The following MGAM2 variants were observed in gnomAD, a reference collection of about 807,000 sequenced individuals.
The protein encoded by MGAM2 is probable maltase-glucoamylase 2.
In MGAM2, 98 loss-of-function variants were observed where a neutral mutation model predicts 96.1. The observed-to-expected ratio is 1.02, with a 90% CI of 0.87 to 1.21. MGAM2 has a LOEUF of 1.21. MGAM2 is among the 50% of genes most tolerant of loss of function. The probability of loss-of-function intolerance (pLI) is 0.00; values close to 1 mark genes in which losing one functional copy is unlikely to be tolerated. For synonymous variants in MGAM2, 749 were observed against 414.8 expected (o/e 1.81, Z -9.79); for missense variants, 2,055 against 1,182.4 (o/e 1.74, Z -10.82).
chr7:142,199,911 T>A lies in MGAM2; in HGVS notation c.5080T>A (p.Leu1694Met). ...RQNFMGLIVALDDNGTAEGQV... is the reference protein window; with the variant it reads ...RQNFMGLIVAMDDNGTAEGQV... Reference sequence around the variant, plus strand: ...AAATTTTATGGGATTGATTGTTGCTTTGGATGACAATGGGACAGCTGAAGG... The same window carrying A: ...AAATTTTATGGGATTGATTGTTGCTATGGATGACAATGGGACAGCTGAAGG... Residue 1694 changes from leucine (L) to methionine (M), a missense_variant, in exon 45 of 48, where the codon TTG becomes ATG. By Grantham distance (15) the Leu-to-Met change is conservative. Coordinates refer to ENST00000477922, the MANE Select transcript of MGAM2 (RefSeq NM_001293626.2). 1 of 694,802 alleles carries A rather than the reference T, an allele frequency of 1.4e-6. No homozygotes were observed. The highest frequency in any genetic ancestry group is 2.6e-6 in the Non-Finnish European group (1 of 381,086). The allele number at this position is 694,802 out of a possible 1,614,324, so 43.0% of individuals were successfully genotyped here.
chr7:142,166,164 C>T lies in MGAM2; in HGVS notation c.2719C>T (p.Pro907Ser), dbSNP rs1469143931. ...AGAATTCTCTATTAGGTGGAATCTT[C>T]CTGTCAGTGACCTGGAGAAGTTCAA... ...GQEFSIRWNLPVSDLEKFNCY... is the reference protein window; with the variant it reads ...GQEFSIRWNLSVSDLEKFNCY... The change falls in exon 25 of 48, where the codon CCT (proline) becomes TCT (serine). Residue 907 changes from proline (P) to serine (S), a missense_variant. Transcript: ENST00000477922. The T allele has an allele frequency of 4.3e-6, 3 of 702,566 alleles. No homozygotes were observed. Among genetic ancestry groups the T allele is most frequent in the Non-Finnish European group, 5.2e-6 (2 of 384,800 alleles). The allele number at this position is 702,566 out of a possible 1,614,324, so 43.5% of individuals were successfully genotyped here.
intron 46 of MGAM2, among the ~76,000 whole-genome samples, chr7:142,213,254 T>C (rs773111903): frequency 6.6e-6 from 1 of 151,846 alleles, no homozygotes; most frequent in Non-Finnish European, 1.5e-5. Flanking sequence ...ACATCATAGT[T>C]AAAAGAGCTA....
chr7:142,173,039 A>G (rs1419984699), intron 30 of MGAM2, among the ~76,000 whole-genome samples, 190 bp from the exon 31 acceptor site: 2 of 152,330 alleles, frequency 1.3e-5, no homozygotes, highest in East Asian at 3.9e-4. Context: ...GGAATACAGA[A>G]AAACTTCAAT....
In MGAM2 at chr7:142,218,613, T is replaced by G. The variant is rs563454640; in HGVS notation, c.5358+82T>G. 20 of 579,224 alleles carry G rather than the reference T, an allele frequency of 3.5e-5. No homozygotes were observed. The African/African-American group carries it at 3.7e-4, about 11-fold the overall frequency. 35.9% of individuals were successfully genotyped at this position (579,224 alleles called of 1,614,324 possible). A position where few individuals can be genotyped will look rare whatever the true frequency, so the allele number is the denominator to read the frequency against. On this transcript the variant is annotated intron_variant, in intron 47 of 47. Transcript: ENST00000477922. ...TATCACCAATAATTTTGCTAACAAT[T>G]AAAATTATCATTGTTAAATTTTCAT...
intron 1 of MGAM2, among the ~76,000 whole-genome samples, chr7:142,114,902 T>C (rs573824705): frequency 6.6e-6 from 1 of 152,166 alleles, no homozygotes; most frequent in East Asian, 1.9e-4. Context: ...GAGTCAGGCC[T>C]GAAAAGAAGG....
chr7:142,177,340 C>A (rs1796409822), intron 32 of MGAM2, among the ~76,000 whole-genome samples: 3 of 152,166 alleles, frequency 2.0e-5, no homozygotes, highest in Admixed American at 2.0e-4. Flanking sequence ...AGGGAAAGAC[C>A]TGCCCCCGTG....
chr7:142,173,491 A>G (rs1796267222), intron 31 of MGAM2, 137 bp downstream of exon 31: 1 of 529,956 alleles, frequency 1.9e-6, no homozygotes, highest in Non-Finnish European at 3.4e-6. Flanking sequence ...TGTATATACT[A>G]TAATACTATG....
chr7:142,129,208 C>A (rs967808109), intron 3 of MGAM2, among the ~76,000 whole-genome samples: 9 of 152,336 alleles, frequency 5.9e-5, no homozygotes, highest in African/African-American at 2.2e-4. Context: ...CAATTTCTCC[C>A]ATTTGGAATG....
chr7:142,161,038 T>C, intron 21 of MGAM2, 87 bp from the exon 22 acceptor site: 1 of 652,934 alleles, frequency 1.5e-6, no homozygotes, highest in Non-Finnish European at 2.8e-6. Flanking sequence ...ACTCTTGGAT[T>C]ATCTGTCCCT....
chr7:142,143,911 C>A, intron 13 of MGAM2, 29 bp downstream of exon 13: 1 of 700,364 alleles, frequency 1.4e-6, no homozygotes, highest in Middle Eastern at 2.3e-4. Flanking sequence ...CTCAAATTTC[C>A]TTTGGAAACA....
At chr7:142,156,620 G>A (rs1795744080) in intron 17 of MGAM2, among the ~76,000 whole-genome samples, 1 of 152,222 alleles carries the variant, frequency 6.6e-6, no homozygotes, top group Non-Finnish European at 1.5e-5. Flanking sequence ...GCTTTTGTCA[G>A]TTGACAACCA....
At chr7:142,216,535 C>T (rs1797766893) in intron 46 of MGAM2, among the ~76,000 whole-genome samples, 1 of 152,100 alleles carries the variant, frequency 6.6e-6, no homozygotes, top group Admixed American at 6.6e-5. Flanking sequence ...CAGCGGTTTC[C>T]TGGTTGGTAA....
chr7:142,220,368 A>G lies in MGAM2; in HGVS notation c.5857A>G (p.Thr1953Ala), dbSNP rs1312472774. 2 of 702,680 alleles carry G rather than the reference A, an allele frequency of 2.8e-6. No individual in the cohort carries two copies. Among genetic ancestry groups the G allele is most frequent in the Admixed American group, 4.0e-5 (2 of 49,958 alleles). The allele number at this position is 702,680 out of a possible 1,614,324, so 43.5% of individuals were successfully genotyped here. A position where few individuals can be genotyped will look rare whatever the true frequency, so the allele number is the denominator to read the frequency against. ...CFATSTIGVTTNATVPDTTAP... is the reference protein window; with the variant it reads ...CFATSTIGVTANATVPDTTAP... ...TGCAACAAGTACTATTGGTGTTACA[A>G]CTAATGCTACTGTTCCCGATACAAC... The change falls in exon 48 of 48, where the codon ACT (threonine) becomes GCT (alanine). Residue 1953 changes from threonine to alanine, a missense_variant. By Grantham distance (58) the Thr-to-Ala change is moderately conservative. Coordinates refer to ENST00000477922, the MANE Select transcript of MGAM2 (RefSeq NM_001293626.2).
rs112964444 is a variant in MGAM2, at chr7:142,117,935, T to A, written c.106+956T>A. On this transcript the variant is annotated intron_variant, in intron 2 of 47. Coordinates refer to ENST00000477922, the MANE Select transcript of MGAM2 (RefSeq NM_001293626.2). Reference sequence around the variant, plus strand: ...AGAGTAGTTCTGCTTTCAACTGTTTTTTTTTCTTCTGTTTTTTTTTTGAAG... The same window carrying A: ...AGAGTAGTTCTGCTTTCAACTGTTTATTTTTCTTCTGTTTTTTTTTTGAAG... 3.1e-3 allele frequency among the ~76,000 whole-genome samples: 475 copies of A among 152,214 alleles called. 2 individuals are homozygous for A. Among genetic ancestry groups the A allele is most frequent in the African/African-American group, 0.011 (445 of 41,510 alleles).
intron 29 of MGAM2, among the ~76,000 whole-genome samples, 163 bp from the exon 30 acceptor site, chr7:142,172,489 G>C (rs904520154): frequency 6.6e-6 from 1 of 152,120 alleles, no homozygotes; most frequent in Non-Finnish European, 1.5e-5. Context: ...TACATTTGGG[G>C]TACCTGCAAA....
intron 31 of MGAM2, 64 bp downstream of exon 31, chr7:142,173,418 T>G (rs1796264017): frequency 1.4e-6 from 1 of 691,196 alleles, no homozygotes; most frequent in Non-Finnish European, 2.7e-6. Flanking sequence ...AATTTTATAT[T>G]AGAAGTGCTA....
chr7:142,186,751 G>T (rs766043987), intron 35 of MGAM2, among the ~76,000 whole-genome samples: 1 of 152,148 alleles, frequency 6.6e-6, no homozygotes, highest in Non-Finnish European at 1.5e-5. Context: ...ATTCAGCTCT[G>T]GGTCAGACTG....
chr7:142,116,746 G>A (rs1817417232), intron 1 of MGAM2, 128 bp from the exon 2 acceptor site: 2 of 647,340 alleles, frequency 3.1e-6, no homozygotes, highest in Non-Finnish European at 5.6e-6. Context: ...TTTAGATTAT[G>A]TAAAGAGGAT....
intron 46 of MGAM2, among the ~76,000 whole-genome samples, chr7:142,213,121 G>A (rs1270580559): frequency 6.6e-6 from 1 of 152,118 alleles, no homozygotes; most frequent in Non-Finnish European, 1.5e-5. Context: ...AAATAAATAA[G>A]TTCTTTGAAA....
Sources: allele counts gnomAD v4.1 joint callset (sites outside exome capture counted in the v4.1 genomes callset), GRCh38; gene constraint gnomAD v4.1.1; transcripts MANE v1.5; gene names NCBI Gene and HGNC (gene_info 2026-07-23, HGNC 2026-07-21).